The following UTRN variants were observed in gnomAD, a reference collection of about 807,000 sequenced individuals.
The protein encoded by UTRN is utrophin.
UTRN carries 283 observed loss-of-function variants against 463.9 expected under a neutral mutation model. The ratio of observed to expected loss-of-function variants is 0.61; its 90% CI spans 0.55 to 0.67. The LOEUF is 0.67. Ranked by LOEUF, UTRN falls within the 30% of genes least tolerant of loss-of-function variation. UTRN has a pLI of 0.00. For synonymous variants in UTRN, 1,442 were observed against 1,431.5 expected (o/e 1.01, Z -0.17); for missense variants, 3,922 against 4,084.3 (o/e 0.96, Z 1.08).
chr6:144,732,250 A>ACATATG (rs1562832667), intron 54 of UTRN, among the ~76,000 whole-genome samples: 75 of 116,686 alleles, frequency 6.4e-4, no homozygotes, highest in African/African-American at 3.1e-3. Context: ...ATATATATAT[A>ACATATG]TATATATACA....
intron 51 of UTRN, chr6:144,660,189 T>C (rs1042493383): frequency 1.3e-5 from 6 of 470,700 alleles, no homozygotes; most frequent in Non-Finnish European, 8.8e-6. Flanking sequence ...GAAGGAAGTT[T>C]GCCGGAAAGA....
rs9403607 is a variant in UTRN at position 144,776,983 on chromosome 6, C to T, written c.8632+2619C>T. Among the ~76,000 whole-genome samples the T allele has an allele frequency of 3.3e-3, 501 of 152,242 alleles. 18 individuals carry two copies. In the East Asian group the frequency reaches 0.078, roughly 24 times the overall value. ...GAACTGTTCTTTTCCTTACATGACA[C>T]TTCTGGTGCTTGGTTTAGGCACTAA... is the stretch of plus-strand genomic sequence containing the variant. On this transcript the variant is annotated intron_variant, in intron 60 of 74. Transcript: ENST00000367545.
chr6:144,494,389 T>A (rs1793379990), intron 33 of UTRN, among the ~76,000 whole-genome samples: 1 of 152,128 alleles, frequency 6.6e-6, no homozygotes. Flanking sequence ...GTGGTCTCGC[T>A]GGCTTCAGGA....
rs771591720 is a variant in UTRN at position 144,531,018 on chromosome 6, G to A, written c.5907-34G>A. 1.9e-6 allele frequency: 3 copies of A among 1,587,592 alleles called. No individual in the cohort carries two copies. The African/African-American group carries it at 4.1e-5, about 21-fold the overall frequency. Reference sequence around the variant, plus strand: ...GGCTTTAGGCAGTCCTGGAAAATTTGGAAACCTATTTTATTTTGTGTATTG... The same window carrying A: ...GGCTTTAGGCAGTCCTGGAAAATTTAGAAACCTATTTTATTTTGTGTATTG... On this transcript the variant is annotated intron_variant, in intron 41 of 74. Transcript: ENST00000367545.
chr6:144,385,974 G>A (rs1339945192), intron 2 of UTRN, among the ~76,000 whole-genome samples: 4 of 152,140 alleles, frequency 2.6e-5, no homozygotes, highest in Admixed American at 1.3e-4. Context: ...CTCCCAAAGT[G>A]CTGGGATTAT....
intron 52 of UTRN, among the ~76,000 whole-genome samples, chr6:144,699,200 G>A (rs1224534105): frequency 6.6e-6 from 1 of 152,110 alleles, no homozygotes; most frequent in Non-Finnish European, 1.5e-5. Context: ...AGCACTTTGG[G>A]AGTCCCTGGC....
rs780223418 is a variant in UTRN at position 144,820,954 on chromosome 6, G to C, written c.9430G>C (p.Ala3144Pro). 1 of 1,613,890 alleles carries C rather than the reference G, an allele frequency of 6.2e-7. No individual in the cohort carries two copies. Among genetic ancestry groups the C allele is most frequent in the Non-Finnish European group, 8.5e-7 (1 of 1,179,874 alleles). ...CAAGTTCAGGTCGAAGAAGTACTTT[G>C]CCAAACACCCTCGACTTGGTTACCT... is the stretch of plus-strand genomic sequence containing the variant. Reference protein sequence around the residue: ...KNKFRSKKYFAKHPRLGYLPV... With the variant: ...KNKFRSKKYFPKHPRLGYLPV... The change falls in exon 66 of 75, where the codon GCC (alanine) becomes CCC (proline). Residue 3144 changes from alanine to proline, a missense_variant. By Grantham distance (27) the Ala-to-Pro change is conservative (BLOSUM62 -1). Coordinates refer to ENST00000367545, the MANE Select transcript of UTRN (RefSeq NM_007124.3).
chr6:144,423,946 A>T (rs780007427), intron 5 of UTRN, 40 bp from the exon 6 acceptor site: 3 of 1,594,758 alleles, frequency 1.9e-6, no homozygotes. Context: ...AAATTGTCTT[A>T]AAAGCGTTTT....
chr6:144,623,806 C>T (rs575433073), intron 51 of UTRN, among the ~76,000 whole-genome samples: 2 of 152,194 alleles, frequency 1.3e-5, no homozygotes, highest in East Asian at 1.9e-4. Context: ...GGAAAATTAT[C>T]CTGCATTGGT....
intron 54 of UTRN, among the ~76,000 whole-genome samples, chr6:144,734,481 T>C (rs1789138222): frequency 6.6e-6 from 1 of 152,150 alleles, no homozygotes; most frequent in African/African-American, 2.4e-5. Context: ...CCCCCTCCCG[T>C]CACCCTGAGT....
intron 69 of UTRN, among the ~76,000 whole-genome samples, chr6:144,830,291 C>T (rs574029944): frequency 1.3e-5 from 2 of 152,176 alleles, no homozygotes; most frequent in East Asian, 3.9e-4. Flanking sequence ...CAGTCAGATA[C>T]ATTTTAATAT....
chr6:144,685,287 C>T (rs1782632664), intron 52 of UTRN, among the ~76,000 whole-genome samples: 1 of 152,166 alleles, frequency 6.6e-6, no homozygotes, highest in Admixed American at 6.5e-5. Context: ...GATTGATGGA[C>T]ACTTAAGTTG....
intron 51 of UTRN, among the ~76,000 whole-genome samples, chr6:144,602,806 AG>A: frequency 6.6e-6 from 1 of 152,242 alleles, no homozygotes; most frequent in Non-Finnish European, 1.5e-5. Flanking sequence ...TTATAATGAA[AG>A]AATGTTGAAT....
intron 2 of UTRN, among the ~76,000 whole-genome samples, chr6:144,386,086 G>A (rs778887652): frequency 1.2e-4 from 19 of 152,140 alleles, no homozygotes; most frequent in Non-Finnish European, 1.5e-4. Flanking sequence ...TGTAAATGAA[G>A]TTTCTTGCGC....
rs147618005 is a variant in UTRN at position 144,327,269 on chromosome 6, C to T, written c.79+35362C>T. On this transcript the variant is annotated intron_variant, in intron 2 of 74. Transcript: ENST00000367545. The stretch of plus-strand genomic sequence containing the variant: ...TTCCTGTTACGCATTTTCCTTTTGG[C>T]GGGAGAGAGTGAGAAAGCTCCTGAA... 1.1e-3 allele frequency among the ~76,000 whole-genome samples: 167 copies of T among 152,198 alleles called. 2 individuals are homozygous for T. The highest frequency in any genetic ancestry group is 1.2e-3 in the East Asian group (6 of 5,182).
At chr6:144,516,003 A>G (rs1259838485) in intron 37 of UTRN, among the ~76,000 whole-genome samples, 3 of 152,228 alleles carry the variant, frequency 2.0e-5, no homozygotes, top group African/African-American at 7.2e-5. Context: ...ATGAATTGCA[A>G]TACTACGTCA....
chr6:144,728,577 A>T (rs1484607066), intron 53 of UTRN, among the ~76,000 whole-genome samples: 1 of 64,976 alleles, frequency 1.5e-5, no homozygotes, highest in Non-Finnish European at 3.2e-5. Flanking sequence ...CCCCGCCCCC[A>T]CCCACCAACA....
intron 66 of UTRN, among the ~76,000 whole-genome samples, chr6:144,826,265 G>A (rs1037705309): frequency 1.3e-5 from 2 of 151,964 alleles, no homozygotes; most frequent in Non-Finnish European, 2.9e-5. Flanking sequence ...TCTTTGCTGT[G>A]CAGGCATCAA....
Position 144,674,561 on chromosome 6 carries a change from T to G in UTRN, c.7480-3845T>G, listed in dbSNP as rs116915981. Reference sequence around the variant, plus strand: ...TCATCCGTAACCTGTGTTGTTTTTTTAATTTCTTTTTTTGAGATGAGGTCT... The same window carrying G: ...TCATCCGTAACCTGTGTTGTTTTTTGAATTTCTTTTTTTGAGATGAGGTCT... On this transcript the variant is annotated intron_variant, in intron 51 of 74. Transcript: ENST00000367545. Among the ~76,000 whole-genome samples, 748 of 152,180 alleles carry G rather than the reference T, an allele frequency of 4.9e-3. 7 individuals carry two copies. The highest frequency in any genetic ancestry group is 0.017 in the South Asian group (80 of 4,826).
Sources: allele counts gnomAD v4.1 joint callset (sites outside exome capture counted in the v4.1 genomes callset), GRCh38; gene constraint gnomAD v4.1.1; transcripts MANE v1.5; gene names NCBI Gene and HGNC (gene_info 2026-07-23, HGNC 2026-07-21).